CAST: variants seen among roughly 807,000 people sequenced by gnomAD.
CAST encodes the protein MIR583 host.
CAST carries 76 observed loss-of-function variants against 119.6 expected under a neutral mutation model. The observed-to-expected ratio is 0.64, with a 90% CI of 0.53 to 0.77. The LOEUF (loss-of-function observed/expected upper bound fraction) is 0.77, where lower values mean the gene tolerates loss of function less well. Ranked by LOEUF, CAST falls within the 30% of genes least tolerant of loss-of-function variation. The probability of loss-of-function intolerance (pLI) is 0.00; values close to 1 mark genes in which losing one functional copy is unlikely to be tolerated. For missense variants in CAST, 953 were observed against 946.5 expected (o/e 1.01, Z -0.09); for synonymous variants, 319 against 331.6 (o/e 0.96, Z 0.41).
At chr5:96,495,222 G>A in the CAST span, among the ~76,000 whole-genome samples, 1 of 151,566 alleles carries the variant, frequency 6.6e-6, no homozygotes, top group African/African-American at 2.4e-5. Context: ...TAAGTGACTT[G>A]TAATACTGTT....
intron 3 of CAST, among the ~76,000 whole-genome samples, chr5:96,705,530 A>T (rs1223453575): frequency 6.6e-6 from 1 of 152,114 alleles, no homozygotes; most frequent in Non-Finnish European, 1.5e-5. Context: ...GCAAGGTGAC[A>T]TTGTTGGACC....
At chr5:96,342,012 T>C in the CAST span, among the ~76,000 whole-genome samples, 5 of 152,304 alleles carry the variant, frequency 3.3e-5, no homozygotes, top group South Asian at 1.0e-3. Flanking sequence ...GTGATGGTGG[T>C]AATGTACAGT....
chr5:96,540,021 C>G (rs1364629121), intron 1 of CAST, among the ~76,000 whole-genome samples: 1 of 151,736 alleles, frequency 6.6e-6, no homozygotes, highest in East Asian at 1.9e-4. Flanking sequence ...TATAGTATAC[C>G]TCTTTATCTT....
the CAST span, among the ~76,000 whole-genome samples, chr5:96,117,744 C>A: frequency 3.9e-5 from 6 of 152,282 alleles, no homozygotes; most frequent in Middle Eastern, 3.4e-3. Context: ...GTTTTTACTT[C>A]TCTGCCCATT....
At chr5:96,490,954 G>C in the CAST span, among the ~76,000 whole-genome samples, 1 of 151,972 alleles carries the variant, frequency 6.6e-6, no homozygotes, top group South Asian at 2.1e-4. Flanking sequence ...TCATTCAGTG[G>C]GAAATGGTAT....
the CAST span, among the ~76,000 whole-genome samples, chr5:96,493,130 C>CT: frequency 1.3e-5 from 2 of 152,144 alleles, no homozygotes; most frequent in African/African-American, 4.8e-5. Flanking sequence ...TTATAAGTCA[C>CT]TGATTTATTT....
chr5:96,357,507 A>G, the CAST span, among the ~76,000 whole-genome samples: 1 of 152,076 alleles, frequency 6.6e-6, no homozygotes, highest in Admixed American at 6.6e-5. Flanking sequence ...ATACCTTCCA[A>G]CGATACCTAG....
the CAST span, among the ~76,000 whole-genome samples, chr5:95,974,995 C>T: frequency 7.8e-4 from 119 of 152,218 alleles, no homozygotes; most frequent in African/African-American, 2.7e-3. Flanking sequence ...GCAGAGCATG[C>T]CATGAAGGAG....
the CAST span, among the ~76,000 whole-genome samples, chr5:96,014,049 CT>C: frequency 6.6e-5 from 10 of 151,570 alleles, no homozygotes; most frequent in South Asian, 2.1e-4. Flanking sequence ...AACTTTTTGA[CT>C]TTTTAATAAT....
chr5:96,686,416 A>G lies in CAST; in HGVS notation c.139-9420A>G, dbSNP rs114505477. ...ATGTAGAAAGTGGGAAGGATAACTC[A>G]AGTCAAAGAAGCAGCAAGCAAAGAG... On this transcript the variant is annotated intron_variant, in intron 2 of 31. Transcript: ENST00000675179. 2.9e-3 allele frequency among the ~76,000 whole-genome samples: 444 copies of G among 152,256 alleles called. 3 individuals carry two copies. Among genetic ancestry groups the G allele is most frequent in the African/African-American group, 0.01 (432 of 41,546 alleles).
chr5:96,435,219 G>A, the CAST span, among the ~76,000 whole-genome samples: 1 of 152,328 alleles, frequency 6.6e-6, no homozygotes, highest in Middle Eastern at 3.4e-3. Flanking sequence ...AAGTAAATCA[G>A]TTTGGCAGAG....
chr5:96,309,635 G>T, the CAST span, among the ~76,000 whole-genome samples: 818 of 152,308 alleles, frequency 5.4e-3, 8 homozygotes, highest in African/African-American at 0.019. Flanking sequence ...CATGGAAAAA[G>T]CACAGTATCT....
At chr5:96,694,419 C>T (rs567708190) in intron 2 of CAST, among the ~76,000 whole-genome samples, 3 of 152,244 alleles carry the variant, frequency 2.0e-5, no homozygotes, top group African/African-American at 7.2e-5. Context: ...AGGCAGATCA[C>T]GAGGTCAGGA....
At chr5:96,412,996 C>T in the CAST span, 1 of 991,734 alleles carries the variant, frequency 1.0e-6, no homozygotes, top group South Asian at 4.5e-5. Context: ...TGGCTGTGGC[C>T]CAGTCTACGC....
At chr5:96,663,031 A>T (rs1315505140) in intron 1 of CAST, 1 of 695,566 alleles carries the variant, frequency 1.4e-6, no homozygotes, top group African/African-American at 1.8e-5. Flanking sequence ...GCTCAGTGCC[A>T]GCCCGGTCCC....
At chr5:96,764,428 A>T (rs1289094633) in intron 25 of CAST, among the ~76,000 whole-genome samples, 1 of 152,102 alleles carries the variant, frequency 6.6e-6, no homozygotes. Flanking sequence ...GTTGTCCATA[A>T]TTTTTTTCCT....
the CAST span, among the ~76,000 whole-genome samples, chr5:96,247,347 T>A: frequency 1.3e-5 from 2 of 152,232 alleles, no homozygotes; most frequent in Non-Finnish European, 2.9e-5. Context: ...TGATGTGTAT[T>A]CTGGCTGCCT....
chr5:96,611,734 ATACTT>A (rs1352030156), intron 1 of CAST, among the ~76,000 whole-genome samples: 2 of 152,142 alleles, frequency 1.3e-5, no homozygotes, highest in South Asian at 2.1e-4. Context: ...TTCAGAATCT[ATACTT>A]AACTTAAATC....
intron 1 of CAST, among the ~76,000 whole-genome samples, chr5:96,656,157 A>C (rs569857107): frequency 5.3e-5 from 8 of 152,336 alleles, no homozygotes; most frequent in African/African-American, 1.9e-4. Flanking sequence ...TACTAGTTGC[A>C]ATGTAAAATG....
Sources: allele counts gnomAD v4.1 joint callset (sites outside exome capture counted in the v4.1 genomes callset), GRCh38; gene constraint gnomAD v4.1.1; transcripts MANE v1.5; gene names NCBI Gene and HGNC (gene_info 2026-07-23, HGNC 2026-07-21).